Variants in SHROOM3 observed in about 807,000 individuals in gnomAD.
SHROOM3 encodes shroom family member 3.
SHROOM3 carries 47 observed loss-of-function variants against 138.6 expected under a neutral mutation model. The observed-to-expected ratio is 0.34, with a 90% confidence interval of 0.27 to 0.43. SHROOM3 has a LOEUF of 0.43. Among genes scored for constraint, SHROOM3 ranks in the 20% least tolerant of loss-of-function variants. The pLI is 1.00. For synonymous variants in SHROOM3, 1,062 were observed against 1,063.3 expected (o/e 1.00, Z 0.02); for missense variants, 2,491 against 2,596.5 (o/e 0.96, Z 0.88).
intron 1 of SHROOM3, among the ~76,000 whole-genome samples, chr4:76,463,479 TG>T (rs1731184174): frequency 6.6e-6 from 1 of 152,186 alleles, no homozygotes; most frequent in Non-Finnish European, 1.5e-5. Flanking sequence ...CCTGATCATG[TG>T]GTAGAAAAGA....
intron 2 of SHROOM3, among the ~76,000 whole-genome samples, chr4:76,663,012 C>A (rs1355403190): frequency 2.0e-5 from 3 of 152,004 alleles, no homozygotes. Flanking sequence ...AGATTCCTAG[C>A]CTAGAACATT....
Position 76,741,373 on chromosome 4 carries a change from C to A in SHROOM3, c.3200C>A (p.Ala1067Asp). 6.2e-7 allele frequency: 1 copy of A among 1,605,032 alleles called. No individual in the cohort carries two copies. The highest frequency in any genetic ancestry group is 8.5e-7 in the Non-Finnish European group (1 of 1,176,680). The change falls in exon 5 of 11, where the codon GCC (alanine) becomes GAC (aspartate). Residue 1067 changes from alanine (A) to aspartate (D), a missense_variant. Around this residue, in one of 4 missense-constraint regions of SHROOM3, gnomAD observed 1,733 missense variants for 1,661.6 expected, o/e 1.04. Coordinates refer to ENST00000296043, the MANE Select transcript of SHROOM3 (RefSeq NM_020859.4). The surrounding 1 kb of genome is among the most constrained non-coding windows in gnomAD (Gnocchi z 6.2). Reference sequence around the variant, plus strand: ...CGTCTCTTCGAGCGCGATGGCAAGGCCTGCTCCACGCTCAGCCTGTCGGGG... The same window carrying A: ...CGTCTCTTCGAGCGCGATGGCAAGGACTGCTCCACGCTCAGCCTGTCGGGG... ...RRRLFERDGK[A>D]CSTLSLSGPE...
At chr4:76,728,140 C>T (rs1053895277) in intron 3 of SHROOM3, among the ~76,000 whole-genome samples, 2 of 152,182 alleles carry the variant, frequency 1.3e-5, no homozygotes, top group Admixed American at 6.5e-5. Flanking sequence ...TGCGCCACTG[C>T]ACTCCAACCT....
At chr4:76,677,947 A>G (rs1719087801) in intron 2 of SHROOM3, among the ~76,000 whole-genome samples, 1 of 152,142 alleles carries the variant, frequency 6.6e-6, no homozygotes, top group Admixed American at 6.5e-5. Flanking sequence ...CTAAAATAAA[A>G]TGTGTGATTT....
intron 1 of SHROOM3, among the ~76,000 whole-genome samples, chr4:76,513,016 A>G (rs1244033796): frequency 6.6e-6 from 1 of 152,186 alleles, no homozygotes; most frequent in African/African-American, 2.4e-5. Context: ...GCACCGTGCC[A>G]TCTCAGGCCT....
intron 2 of SHROOM3, among the ~76,000 whole-genome samples, chr4:76,681,993 C>A (rs575527938): frequency 1.3e-5 from 2 of 152,260 alleles, no homozygotes; most frequent in South Asian, 4.2e-4. Flanking sequence ...GAGCTTTCAT[C>A]TTGCCCTACA....
At chr4:76,774,598 T>C (rs2109796149) in intron 10 of SHROOM3, among the ~76,000 whole-genome samples, 1 of 152,204 alleles carries the variant, frequency 6.6e-6, no homozygotes, top group East Asian at 1.9e-4. Flanking sequence ...TAAAATATTT[T>C]ATATATTTTT....
At chr4:76,668,604 A>C (rs952673434) in intron 2 of SHROOM3, among the ~76,000 whole-genome samples, 3 of 152,098 alleles carry the variant, frequency 2.0e-5, no homozygotes, top group African/African-American at 7.2e-5. Context: ...CAAACAAATG[A>C]AAAAAACTAA....
intron 1 of SHROOM3, among the ~76,000 whole-genome samples, chr4:76,440,561 T>C (rs1730649358): frequency 6.6e-6 from 1 of 152,226 alleles, no homozygotes; most frequent in Non-Finnish European, 1.5e-5. Context: ...TACTGCTCAG[T>C]CAACTGCTTT....
At chr4:76,619,008 C>T (rs550981237) in intron 2 of SHROOM3, among the ~76,000 whole-genome samples, 218 of 152,162 alleles carry the variant, frequency 1.4e-3, no homozygotes, top group Non-Finnish European at 2.2e-3. Context: ...CCACCATGCC[C>T]GGCTAATTTT....
chr4:76,625,743 CCT>C (rs1735122298), intron 2 of SHROOM3, among the ~76,000 whole-genome samples: 1 of 152,152 alleles, frequency 6.6e-6, no homozygotes, highest in Admixed American at 6.6e-5. Flanking sequence ...CTTATCCTCC[CCT>C]CTCTAAAGGC....
Position 76,739,467 on chromosome 4 carries a change from C to T in SHROOM3, c.1294C>T (p.Leu432=). 1 of 1,614,202 alleles carries T rather than the reference C, an allele frequency of 6.2e-7. No homozygotes were observed. The highest frequency in any genetic ancestry group is 8.5e-7 in the Non-Finnish European group (1 of 1,180,036). The change falls in exon 5 of 11, where the codon CTG becomes TTG. Residue 432 remains leucine, a synonymous_variant. Coordinates refer to ENST00000296043, the MANE Select transcript of SHROOM3 (RefSeq NM_020859.4). ...SLKSPFIEEQ[L]HTVLEKSPEN... is the part of the protein sequence containing the mutation. ...GAAGTCTCCATTCATAGAGGAGCAG[C>T]TGCATACTGTGCTGGAGAAGAGTCC...
intron 10 of SHROOM3, among the ~76,000 whole-genome samples, chr4:76,772,159 A>G (rs1000615749): frequency 7.0e-6 from 1 of 141,922 alleles, no homozygotes; most frequent in African/African-American, 2.7e-5. Flanking sequence ...GCTTGAGTGC[A>G]GTGGCGCAAT....
intron 1 of SHROOM3, among the ~76,000 whole-genome samples, chr4:76,454,263 C>T (rs1317418523): frequency 2.0e-5 from 3 of 152,130 alleles, no homozygotes; most frequent in Admixed American, 6.5e-5. Context: ...ACGCTGGTCT[C>T]GGACTTCTGA....
intron 2 of SHROOM3, among the ~76,000 whole-genome samples, chr4:76,658,291 A>G (rs1736110641): frequency 6.6e-6 from 1 of 152,192 alleles, no homozygotes; most frequent in African/African-American, 2.4e-5. Flanking sequence ...TTCCTGCTTC[A>G]TTTCTGGAAG....
chr4:76,782,531 C>G lies in SHROOM3; in HGVS notation c.*3354C>G, dbSNP rs1722759377. The G allele has an allele frequency of 6.6e-6, 1 of 152,188 alleles. No homozygotes were observed. The highest frequency in any genetic ancestry group is 1.5e-5 in the Non-Finnish European group (1 of 68,046). 9.4% of individuals were successfully genotyped at this position (152,188 alleles called of 1,614,324 possible). A position where few individuals can be genotyped will look rare whatever the true frequency, so the allele number is the denominator to read the frequency against. On this transcript the variant is annotated 3_prime_UTR_variant, in exon 11 of 11. Transcript: ENST00000296043. ...TTAAACTTGTATGTTATTCAGGCAT[C>G]TCTTATTAAGATACTGGGTCTCTGG...
chr4:76,760,823 A>AC (rs1273601770), intron 9 of SHROOM3, among the ~76,000 whole-genome samples: 2 of 152,194 alleles, frequency 1.3e-5, no homozygotes, highest in Non-Finnish European at 2.9e-5. Flanking sequence ...TGCAAATAAG[A>AC]CCACTTGGCT....
intron 1 of SHROOM3, among the ~76,000 whole-genome samples, chr4:76,481,923 A>C (rs1452871288): frequency 6.6e-6 from 1 of 152,228 alleles, no homozygotes; most frequent in Non-Finnish European, 1.5e-5. Context: ...ATTTCAATAG[A>C]TACAGAAAAT....
intron 2 of SHROOM3, among the ~76,000 whole-genome samples, chr4:76,608,559 GCATAGCATAGCATAGCATAGCATAGCA>G (rs1734674577): frequency 9.8e-6 from 1 of 102,484 alleles, no homozygotes; most frequent in East Asian, 3.4e-4. Context: ...GCATAGCATA[GCATAGCATAGCATAGCATAGCATAGCA>G]TAGCATAGCA....
Sources: allele counts gnomAD v4.1 joint callset (sites outside exome capture counted in the v4.1 genomes callset), GRCh38; gene constraint gnomAD v4.1.1; regional missense constraint gnomAD v4.1.1; non-coding constraint Gnocchi (gnomAD v3.1); transcripts MANE v1.5; gene names NCBI Gene and HGNC (gene_info 2026-07-23, HGNC 2026-07-21).